CHRNA1: variants seen among roughly 807,000 people sequenced by gnomAD.
CHRNA1 encodes the protein acetylcholine receptor subunit alpha.
A neutral mutation model predicts 47.1 loss-of-function variants in CHRNA1; 35 were observed. That is an observed-to-expected ratio of 0.74 (90% CI 0.57 to 0.99). The LOEUF is 0.99. CHRNA1 is among the 50% of genes least tolerant of loss of function. CHRNA1 has a pLI of 0.00. For synonymous variants in CHRNA1, 229 were observed against 223.6 expected (o/e 1.02, Z -0.22); for missense variants, 506 against 591.1 (o/e 0.86, Z 1.49).
chr2:174,753,683 C>G lies in CHRNA1; in HGVS notation c.598G>C (p.Glu200Gln). The change falls in exon 6 of 9, where the codon GAG becomes CAG. Residue 200 changes from glutamate to glutamine, a missense_variant. Physicochemically the swap from Glu to Gln is conservative, Grantham distance 29 (BLOSUM62 2). Coordinates refer to ENST00000348749, the MANE Select transcript of CHRNA1 (RefSeq NM_000079.4). ...ACGGAGTGCTTCCAGCCCCGGGACTCCTTGATCACCCACTCCCCGCTCTCC... is the reference window on the plus strand; with the variant it reads ...ACGGAGTGCTTCCAGCCCCGGGACTGCTTGATCACCCACTCCCCGCTCTCC... ...FMESGEWVIK[E>Q]SRGWKHSVTY... is the part of the protein sequence containing the mutation. 6.2e-7 allele frequency: 1 copy of G among 1,614,074 alleles called. No individual in the cohort carries two copies. The highest frequency in any genetic ancestry group is 8.5e-7 in the Non-Finnish European group (1 of 1,180,016).
intron 1 of CHRNA1, among the ~76,000 whole-genome samples, chr2:174,762,760 A>T (rs1684122455): frequency 6.6e-6 from 1 of 152,230 alleles, no homozygotes; most frequent in Admixed American, 6.5e-5. Context: ...TATAAATGAC[A>T]ATTTTGTCTA....
intron 3 of CHRNA1, 88 bp downstream of exon 3, chr2:174,759,243 C>T (rs953149963): frequency 2.7e-5 from 35 of 1,304,738 alleles, no homozygotes; most frequent in Admixed American, 2.2e-4. Flanking sequence ...GGTATATATC[C>T]CTGTTACCCA....
At chr2:174,761,664 C>G (rs1047091479) in intron 1 of CHRNA1, among the ~76,000 whole-genome samples, 1 of 152,182 alleles carries the variant, frequency 6.6e-6, no homozygotes. Context: ...ACTCAGTGCC[C>G]AACCACGCAG....
chr2:174,748,567 C>G lies in CHRNA1; in HGVS notation c.1242+13G>C, dbSNP rs376674156. ...TAAACCCAGAGGCATGAATTTCAAG[C>G]CACGAAGCTTACATTGTTAGACTCC... On this transcript the variant is annotated intron_variant, in intron 8 of 8. Transcript: ENST00000348749. 5.0e-6 allele frequency: 8 copies of G among 1,608,884 alleles called. No homozygotes were observed. In the African/African-American group the frequency reaches 9.4e-5, roughly 19 times the overall value.
Position 174,752,564 on chromosome 2 carries a change from G to A in CHRNA1, c.778+939C>T, listed in dbSNP as rs193163003. Among the ~76,000 whole-genome samples the A allele has an allele frequency of 1.8e-4, 28 of 152,132 alleles. 1 individual carries two copies. Among genetic ancestry groups the A allele is most frequent in the Admixed American group, 3.3e-4 (5 of 15,270 alleles). On this transcript the variant is annotated intron_variant, in intron 6 of 8. Transcript: ENST00000348749. ...CAGCCTGGGCAACAGAGTGAGACCCGGTCTCAAAACAAAAACAAAAATGAA... is the reference window on the plus strand; with the variant it reads ...CAGCCTGGGCAACAGAGTGAGACCCAGTCTCAAAACAAAAACAAAAATGAA...
At chr2:174,763,841 A>G (rs546862714) in intron 1 of CHRNA1, among the ~76,000 whole-genome samples, 1 of 152,032 alleles carries the variant, frequency 6.6e-6, no homozygotes, top group South Asian at 2.1e-4. Context: ...CTCTGTGGAG[A>G]GAGTTTAGTT....
In CHRNA1 at chr2:174,758,971, A is replaced by T. The variant is rs145556014; in HGVS notation, c.234+360T>A. Among the ~76,000 whole-genome samples the T allele has an allele frequency of 6.5e-3, 989 of 152,284 alleles. 10 individuals are homozygous for T. Among genetic ancestry groups the T allele is most frequent in the African/African-American group, 0.023 (943 of 41,534 alleles). ...ACGCCATCTGAACATAAAGACAGTC[A>T]TCTACAAGCTGAAGAGAGAGTCCTA... On this transcript the variant is annotated intron_variant, in intron 3 of 8. Transcript: ENST00000348749.
chr2:174,748,760 T>C lies in CHRNA1; in HGVS notation c.1062A>G (p.Arg354=). 6.2e-7 allele frequency: 1 copy of C among 1,614,262 alleles called. No homozygotes were observed. The highest frequency in any genetic ancestry group is 8.5e-7 in the Non-Finnish European group (1 of 1,180,048). Reference sequence around the variant, plus strand: ...TAAAAATCTTTTTGTCTTGCTTTTCTCTGGATGGTCTTTTCATTGTGGAGA... The same window carrying C: ...TAAAAATCTTTTTGTCTTGCTTTTCCCTGGATGGTCTTTTCATTGTGGAGA... ...MFFSTMKRPS[R]EKQDKKIFTE... The change falls in exon 8 of 9, where the codon AGA becomes AGG. Residue 354 remains arginine, a synonymous_variant. Coordinates refer to ENST00000348749, the MANE Select transcript of CHRNA1 (RefSeq NM_000079.4).
intron 1 of CHRNA1, among the ~76,000 whole-genome samples, chr2:174,762,142 C>T (rs182304362): frequency 3.1e-4 from 47 of 152,264 alleles, no homozygotes; most frequent in Non-Finnish European, 5.9e-4. Flanking sequence ...CCTGTTCCTT[C>T]CATAAGGAAT....
chr2:174,758,039 G>A, intron 3 of CHRNA1: 1 of 1,614,050 alleles, frequency 6.2e-7, no homozygotes, highest in East Asian at 2.2e-5. Flanking sequence ...CCACAGAAAA[G>A]GAGAAAGACC....
intron 3 of CHRNA1, 49 bp downstream of exon 3, chr2:174,759,282 T>C: frequency 6.3e-7 from 1 of 1,593,722 alleles, no homozygotes; most frequent in Non-Finnish European, 8.6e-7. Flanking sequence ...CCAGGTTTAA[T>C]TTCAGTGTGA....
At chr2:174,758,635 AT>A (rs1684030613) in intron 3 of CHRNA1, among the ~76,000 whole-genome samples, 1 of 130,680 alleles carries the variant, frequency 7.7e-6, no homozygotes, top group African/African-American at 2.5e-5. Flanking sequence ...GGTCCCAAGC[AT>A]TTTGGGAAAG....
intron 4 of CHRNA1, among the ~76,000 whole-genome samples, chr2:174,754,779 C>T (rs574469077): frequency 6.6e-6 from 1 of 152,162 alleles, no homozygotes; most frequent in African/African-American, 2.4e-5. Flanking sequence ...TCTATCACCT[C>T]CCTGATGTAC....
chr2:174,750,325 TA>T (rs760972827), intron 6 of CHRNA1, among the ~76,000 whole-genome samples, 156 bp from the exon 7 acceptor site: 1 of 152,196 alleles, frequency 6.6e-6, no homozygotes, highest in Non-Finnish European at 1.5e-5. Context: ...AGGAGGTAAT[TA>T]AATGAAAACG....
At chr2:174,748,919 A>C in intron 7 of CHRNA1, 100 bp from the exon 8 acceptor site, 1 of 1,507,894 alleles carries the variant, frequency 6.6e-7, no homozygotes, top group Non-Finnish European at 9.0e-7. Context: ...TAAGTCATTC[A>C]GTTTTTCTGG....
intron 4 of CHRNA1, among the ~76,000 whole-genome samples, chr2:174,755,360 G>A (rs984057878): frequency 1.3e-5 from 2 of 152,026 alleles, no homozygotes; most frequent in African/African-American, 2.4e-5. Context: ...GCCCATGTGG[G>A]AATGAAGGCC....
At chr2:174,750,283 G>A in intron 6 of CHRNA1, 114 bp from the exon 7 acceptor site, 2 of 777,894 alleles carry the variant, frequency 2.6e-6, no homozygotes, top group Non-Finnish European at 4.3e-6. Flanking sequence ...TGGGACCTAA[G>A]AATGTGACTG....
At chr2:174,757,981 A>G (rs1484287321) in intron 3 of CHRNA1, 2 of 1,611,010 alleles carry the variant, frequency 1.2e-6, no homozygotes, top group Non-Finnish European at 1.7e-6. Context: ...GGAACTCCCA[A>G]AGTCACGCAG....
At chr2:174,763,729 C>A (rs932431933) in intron 1 of CHRNA1, among the ~76,000 whole-genome samples, 6 of 151,206 alleles carry the variant, frequency 4.0e-5, no homozygotes, top group Non-Finnish European at 1.5e-5. Flanking sequence ...CAAACCCAAA[C>A]CTATATATAG....
Sources: gnomAD v4.1 joint callset for allele counts (sites outside exome capture counted in the v4.1 genomes callset) on GRCh38, gnomAD v4.1.1 for gene constraint, MANE v1.5 for transcripts, NCBI Gene and HGNC (gene_info 2026-07-23, HGNC 2026-07-21) for gene names.